Variants in EYS observed in about 807,000 individuals in gnomAD.
The protein encoded by EYS is EGF-like photoreceptor maintenance factor, also known as protein eyes shut homolog.
Under a neutral mutation model 282.1 loss-of-function variants are expected in EYS, and 250 were observed. The ratio of observed to expected loss-of-function variants is 0.89; its 90% CI spans 0.80 to 0.98. The LOEUF is 0.98. EYS is among the 50% of genes least tolerant of loss of function. The probability of loss-of-function intolerance (pLI) is 0.00; values close to 1 mark genes in which losing one functional copy is unlikely to be tolerated. For missense variants in EYS, 4,016 were observed against 3,709.0 expected (o/e 1.08, Z -2.15); for synonymous variants, 1,355 against 1,282.9 (o/e 1.06, Z -1.20).
chr6:65,524,379 G>A (rs533910547), intron 2 of EYS, among the ~76,000 whole-genome samples: 1 of 152,270 alleles, frequency 6.6e-6, no homozygotes, highest in East Asian at 1.9e-4. Flanking sequence ...AGAGCACAAG[G>A]TCACAGAAAC....
At chr6:63,821,316 A>C (rs1262962903) in intron 36 of EYS, 1 of 152,188 alleles carries the variant, frequency 6.6e-6, no homozygotes, top group Non-Finnish European at 1.5e-5. Context: ...ACAACACATC[A>C]AAGTGAGGGA....
rs199697648 is a variant in EYS at position 63,798,985 on chromosome 6, GTGTA to G, written c.7411+7201_7411+7204del. Among the ~76,000 whole-genome samples the G allele has an allele frequency of 5.6e-3, 487 of 87,488 alleles. 3 individuals carry two copies. The highest frequency in any genetic ancestry group is 0.014 in the East Asian group (45 of 3,122). 57.4% of individuals were successfully genotyped at this position (87,488 alleles called of 152,430 possible). A position where few individuals can be genotyped will look rare whatever the true frequency, so the allele number is the denominator to read the frequency against. ...TGTGTATATATATATATGTATATGT[GTGTA>G]TATATATATATATATATATATATAT... On this transcript the variant is annotated intron_variant, in intron 37 of 42. Coordinates refer to ENST00000503581, the MANE Select transcript of EYS (RefSeq NM_001142800.2).
At position 63,721,102 on chromosome 6, in the gene EYS, G is replaced by C; in HGVS notation, c.8929C>G (p.Leu2977Val). The C allele has an allele frequency of 6.4e-7, 1 of 1,551,304 alleles. No individual in the cohort carries two copies. Among genetic ancestry groups the C allele is most frequent in the Non-Finnish European group, 8.7e-7 (1 of 1,146,734 alleles). The change falls in exon 43 of 43, where the codon CTC becomes GTC. Residue 2977 changes from leucine to valine, a missense_variant. Coordinates refer to ENST00000503581, the MANE Select transcript of EYS (RefSeq NM_001142800.2). ...YIDPNYRMRN[L>V]QFTTISLNFS... ...TTTAAGGATATAGTAGTGAACTGGAGGTTTCTCATTCTATAATTTGGATCA... is the reference window on the plus strand; with the variant it reads ...TTTAAGGATATAGTAGTGAACTGGACGTTTCTCATTCTATAATTTGGATCA...
At chr6:64,454,227 C>T (rs1188808989) in intron 26 of EYS, among the ~76,000 whole-genome samples, 1 of 152,102 alleles carries the variant, frequency 6.6e-6, no homozygotes, top group Admixed American at 6.6e-5. Flanking sequence ...GGCTCATTAT[C>T]CTATTCCATT....
At chr6:64,331,689 G>A (rs1191366817) in intron 29 of EYS, among the ~76,000 whole-genome samples, 1 of 151,240 alleles carries the variant, frequency 6.6e-6, no homozygotes, top group East Asian at 2.0e-4. Context: ...TCTATGTGCT[G>A]CACCTAACTG....
intron 12 of EYS, among the ~76,000 whole-genome samples, chr6:65,144,502 T>G (rs1433076091): frequency 2.0e-5 from 3 of 152,138 alleles, no homozygotes; most frequent in Admixed American, 2.0e-4. Context: ...TGATCAGTTG[T>G]AAATATCTAA....
chr6:64,655,400 T>C (rs1245521252), intron 22 of EYS, among the ~76,000 whole-genome samples: 1 of 152,088 alleles, frequency 6.6e-6, no homozygotes, highest in African/African-American at 2.4e-5. Context: ...CTTTGATGCC[T>C]ACAAAGTGTC....
chr6:65,331,428 T>C (rs1343521529), intron 11 of EYS: 2 of 777,556 alleles, frequency 2.6e-6, no homozygotes, highest in Non-Finnish European at 3.1e-6. Flanking sequence ...ACAGGTGGTA[T>C]CACACATATA....
At chr6:63,832,997 C>G (rs546819961) in intron 36 of EYS, among the ~76,000 whole-genome samples, 81 of 152,262 alleles carry the variant, frequency 5.3e-4, no homozygotes, top group African/African-American at 1.9e-3. Context: ...GCAGAAAAGG[C>G]CTTTGACAAA....
chr6:63,870,504 C>T (rs1772775051), intron 35 of EYS, among the ~76,000 whole-genome samples: 1 of 152,094 alleles, frequency 6.6e-6, no homozygotes, highest in Non-Finnish European at 1.5e-5. Context: ...TATGGGTATT[C>T]CTATGTTGAA....
chr6:64,544,669 TA>T (rs1230175025), intron 26 of EYS, among the ~76,000 whole-genome samples: 2 of 151,724 alleles, frequency 1.3e-5, no homozygotes, highest in Non-Finnish European at 2.9e-5. Flanking sequence ...ATAGACACAA[TA>T]AAAAATGATA....
intron 29 of EYS, among the ~76,000 whole-genome samples, chr6:64,308,071 G>A (rs527368825): frequency 1.3e-5 from 2 of 152,004 alleles, no homozygotes; most frequent in East Asian, 3.9e-4. Flanking sequence ...TCCATCTTTG[G>A]CCTGTTTCTT....
At chr6:64,523,752 A>G (rs3857531) in intron 26 of EYS, among the ~76,000 whole-genome samples, 53,496 of 151,444 alleles carry the variant, frequency 0.35, 9,491 homozygotes, top group East Asian at 0.47. Context: ...TGAATGATGA[A>G]TATCCAAAAT....
intron 36 of EYS, among the ~76,000 whole-genome samples, chr6:63,829,490 T>C (rs1217977074): frequency 6.6e-6 from 1 of 152,188 alleles, no homozygotes; most frequent in South Asian, 2.1e-4. Context: ...GAGATTGAAC[T>C]GCAAGGTGGC....
intron 31 of EYS, among the ~76,000 whole-genome samples, chr6:64,085,246 G>T (rs1333606331): frequency 6.6e-6 from 1 of 151,804 alleles, no homozygotes; most frequent in Non-Finnish European, 1.5e-5. Flanking sequence ...AAAGTGCTGG[G>T]ATTATAGGCG....
intron 2 of EYS, among the ~76,000 whole-genome samples, chr6:65,503,953 T>C (rs1425467236): frequency 6.6e-6 from 1 of 151,724 alleles, no homozygotes; most frequent in African/African-American, 2.4e-5. Flanking sequence ...TGCCTTACCA[T>C]AAAAACTCTA....
intron 12 of EYS, among the ~76,000 whole-genome samples, chr6:65,207,197 C>T (rs754378389): frequency 6.6e-6 from 1 of 151,548 alleles, no homozygotes; most frequent in Non-Finnish European, 1.5e-5. Flanking sequence ...AATCAATGTA[C>T]AAAAGTCAGT....
At chr6:64,343,278 C>A (rs1369690801) in intron 29 of EYS, among the ~76,000 whole-genome samples, 2 of 151,732 alleles carry the variant, frequency 1.3e-5, no homozygotes, top group African/African-American at 4.8e-5. Context: ...CACACCACAC[C>A]TATTCCAAAA....
chr6:64,265,740 A>G (rs1272335199), intron 30 of EYS, among the ~76,000 whole-genome samples: 1 of 152,154 alleles, frequency 6.6e-6, no homozygotes, highest in Non-Finnish European at 1.5e-5. Context: ...TCCAGATTTG[A>G]AAATGCTGTC....
Sources: allele counts gnomAD v4.1 joint callset (sites outside exome capture counted in the v4.1 genomes callset), GRCh38; gene constraint gnomAD v4.1.1; transcripts MANE v1.5; gene names NCBI Gene and HGNC (gene_info 2026-07-23, HGNC 2026-07-21).